ABR: variants seen among roughly 807,000 people sequenced by gnomAD.
The protein encoded by ABR is ABR activator of RhoGEF and GTPase.
ABR carries 35 observed loss-of-function variants against 107.2 expected under a neutral mutation model. That is an observed-to-expected ratio of 0.33 (90% CI 0.25 to 0.43). The LOEUF is 0.43. Among genes scored for constraint, ABR ranks in the 20% least tolerant of loss-of-function variants. The probability of loss-of-function intolerance (pLI) is 1.00; values close to 1 mark genes in which losing one functional copy is unlikely to be tolerated. For missense variants in ABR, 815 were observed against 1,115.2 expected (o/e 0.73, Z 3.83); for synonymous variants, 498 against 462.0 (o/e 1.08, Z -1.00).
At chr17:1,171,067 C>CT (rs2041692246) in intron 1 of ABR, among the ~76,000 whole-genome samples, 1 of 152,178 alleles carries the variant, frequency 6.6e-6, no homozygotes, top group African/African-American at 2.4e-5. Flanking sequence ...TCTCCTAAAA[C>CT]TTTGCCTCCA....
intron 10 of ABR, among the ~76,000 whole-genome samples, chr17:1,065,877 C>A (rs2034682641): frequency 6.6e-6 from 1 of 151,658 alleles, no homozygotes; most frequent in Non-Finnish European, 1.5e-5. Flanking sequence ...TCCTGAGTAG[C>A]TGGGATTACA....
rs1395659851 is a variant in ABR at position 1,135,369 on chromosome 17, CTTTTTGTCTTTTT to C, written c.62-10015_62-10003del. 3.7e-5 allele frequency among the ~76,000 whole-genome samples: 4 copies of C among 109,550 alleles called. No individual in the cohort carries two copies. The East Asian group carries it at 1.4e-3, about 38-fold the overall frequency. 71.9% of individuals were successfully genotyped at this position (109,550 alleles called of 152,430 possible). ...GCTAACTTTATTTTTTATTCTTTTT[CTTTTTGTCTTTTT>C]TTTTTTTTTTTGAGACAGAGTTTCA... is the stretch of plus-strand genomic sequence containing the variant. On this transcript the variant is annotated intron_variant, in intron 1 of 22. Transcript: ENST00000302538.
At chr17:1,136,171 A>G (rs532841348) in intron 1 of ABR, among the ~76,000 whole-genome samples, 22 of 152,268 alleles carry the variant, frequency 1.4e-4, no homozygotes, top group African/African-American at 5.1e-4. Flanking sequence ...TCTTCTTCCA[A>G]TAGAAGGCTG....
chr17:1,009,290 C>T (rs1030470102), intron 21 of ABR, among the ~76,000 whole-genome samples: 1 of 138,398 alleles, frequency 7.2e-6, no homozygotes, highest in African/African-American at 2.9e-5. Context: ...GTCCACCCCC[C>T]ACTGCATCTA....
upstream of ABR, among the ~76,000 whole-genome samples, chr17:1,189,663 G>A (rs762700107): frequency 7.0e-6 from 1 of 143,108 alleles, no homozygotes; most frequent in Non-Finnish European, 1.5e-5. Context: ...CACTCTGCCT[G>A]GGTAACTCCT....
intron 1 of ABR, among the ~76,000 whole-genome samples, chr17:1,162,201 A>C (rs2041327220): frequency 6.6e-6 from 1 of 152,078 alleles, no homozygotes; most frequent in Admixed American, 6.6e-5. Flanking sequence ...ATTATCCCTT[A>C]CTCTGGCAGA....
chr17:1,169,098 G>T (rs377197146), intron 1 of ABR, among the ~76,000 whole-genome samples: 5 of 152,330 alleles, frequency 3.3e-5, no homozygotes, highest in East Asian at 3.9e-4. Flanking sequence ...AGCTGGCCCT[G>T]CAGGGGAAAG....
chr17:1,037,681 G>A lies in ABR; in HGVS notation c.1791+12369C>T, dbSNP rs1036105910. 1.3e-5 allele frequency among the ~76,000 whole-genome samples: 2 copies of A among 152,170 alleles called. No homozygotes were observed. Among genetic ancestry groups the A allele is most frequent in the Non-Finnish European group, 2.9e-5 (2 of 68,024 alleles). ...TGCTCCTCCTCCCGGGAAGGAGGGG[G>A]TGTGGCCGGGTCTCCCAGCACAGCC... On this transcript the variant is annotated intron_variant, in intron 16 of 22. Transcript: ENST00000302538. This position sits in a 1 kb window ranked among gnomAD's most constrained non-coding sequence, Gnocchi z 4.6.
At position 1,058,004 on chromosome 17, in the gene ABR, C is replaced by T; in HGVS notation, c.1347G>A (p.Glu449=). Residue 449 remains glutamate, a synonymous_variant, in exon 12 of 23, where the codon GAG becomes GAA. Transcript: ENST00000302538. ...GTAGTTTCTGAATTGCTTCTCTCCA[C>T]TCTGACCTCTCGTAGTCCGAGGACA... ...FLLSSDYERS[E]WREAIQKLQK... is the part of the protein sequence containing the mutation. 2 of 1,614,022 alleles carry T rather than the reference C, an allele frequency of 1.2e-6. No homozygotes were observed. Among genetic ancestry groups the T allele is most frequent in the Non-Finnish European group, 1.7e-6 (2 of 1,179,942 alleles).
intron 14 of ABR, chr17:1,055,657 A>G (rs569819810): frequency 6.4e-5 from 11 of 172,756 alleles, no homozygotes; most frequent in South Asian, 1.5e-4. Flanking sequence ...CCTCCCAAGT[A>G]GCTGGGACTA....
At chr17:1,024,448 C>T (rs1326537600) in intron 16 of ABR, among the ~76,000 whole-genome samples, 3 of 152,198 alleles carry the variant, frequency 2.0e-5, no homozygotes, top group Admixed American at 6.5e-5. Flanking sequence ...AAGCCACTCA[C>T]GTGACTTCAT....
In ABR at chr17:1,070,433, C is replaced by T. The variant is rs749801539; in HGVS notation, c.895-343G>A. Reference sequence around the variant, plus strand: ...TGCCTGGCACATTAAGTGTGTGCAACGCACGGGGCTCTCCGCGGCTAACCC... The same window carrying T: ...TGCCTGGCACATTAAGTGTGTGCAATGCACGGGGCTCTCCGCGGCTAACCC... On this transcript the variant is annotated intron_variant, in intron 8 of 22. Coordinates refer to ENST00000302538, the MANE Select transcript of ABR (RefSeq NM_021962.5). This position sits in a 1 kb window ranked among gnomAD's most constrained non-coding sequence, Gnocchi z 4.2. Among the ~76,000 whole-genome samples, 4 of 152,222 alleles carry T rather than the reference C, an allele frequency of 2.6e-5. No homozygotes were observed. The highest frequency in any genetic ancestry group is 4.4e-5 in the Non-Finnish European group (3 of 68,038).
chr17:1,103,497 G>C (rs1464462433), intron 2 of ABR, among the ~76,000 whole-genome samples: 1 of 152,210 alleles, frequency 6.6e-6, no homozygotes, highest in Non-Finnish European at 1.5e-5. Flanking sequence ...TGTAACTGTA[G>C]AGCTGGTTGG....
In ABR at chr17:1,050,252, C is replaced by T; in HGVS notation, c.1660-71G>A. On this transcript the variant is annotated intron_variant, in intron 15 of 22. Coordinates refer to ENST00000302538, the MANE Select transcript of ABR (RefSeq NM_021962.5). The surrounding 1 kb of genome is among the most constrained non-coding windows in gnomAD (Gnocchi z 4.6). ...GGCCTGGCTTTCCGGCAGGTGCGTG[C>T]CTCAGCTTTGCAAGGAGGAGGGAGT... is the stretch of plus-strand genomic sequence containing the variant. 6.4e-7 allele frequency: 1 copy of T among 1,551,094 alleles called. No individual in the cohort carries two copies. The highest frequency in any genetic ancestry group is 8.7e-7 in the Non-Finnish European group (1 of 1,152,770).
intron 16 of ABR, among the ~76,000 whole-genome samples, chr17:1,030,697 G>A (rs1004789467): frequency 1.3e-5 from 2 of 152,254 alleles, no homozygotes; most frequent in Non-Finnish European, 2.9e-5. Flanking sequence ...ATGCCGGCTG[G>A]CAGTAAGAGC....
In ABR at chr17:1,179,378, G is replaced by C. The variant is rs548634323; in HGVS notation, c.61+289C>G. Among the ~76,000 whole-genome samples, 3 of 152,182 alleles carry C rather than the reference G, an allele frequency of 2.0e-5. No homozygotes were observed. The East Asian group carries it at 5.8e-4, about 30-fold the overall frequency. ...AGGTGGGAGGGGGGACGCAGCTCTC[G>C]GCTCGGTCCGCCCACGGTCCCCGCC... On this transcript the variant is annotated intron_variant, in intron 1 of 22. Coordinates refer to ENST00000302538, the MANE Select transcript of ABR (RefSeq NM_021962.5). The surrounding 1 kb of genome is among the most constrained non-coding windows in gnomAD (Gnocchi z 4.9).
At chr17:1,029,284 G>A (rs7221229) in intron 16 of ABR, among the ~76,000 whole-genome samples, 13 of 151,940 alleles carry the variant, frequency 8.6e-5, no homozygotes, top group South Asian at 2.1e-4. Flanking sequence ...ACTCTCCTCC[G>A]GTGACAAGAA....
chr17:1,118,018 TC>T (rs1567787936), intron 2 of ABR, among the ~76,000 whole-genome samples: 2 of 33,442 alleles, frequency 6.0e-5, no homozygotes, highest in African/African-American at 2.3e-4. Context: ...GCCTGAGTTC[TC>T]CCCAGCGTTA....
chr17:1,040,206 C>G (rs1367843134), intron 16 of ABR, among the ~76,000 whole-genome samples: 1 of 152,140 alleles, frequency 6.6e-6, no homozygotes, highest in Admixed American at 6.5e-5. Context: ...AGGACGCACG[C>G]GCAGGACCCT....
Sources: allele counts gnomAD v4.1 joint callset (sites outside exome capture counted in the v4.1 genomes callset), GRCh38; gene constraint gnomAD v4.1.1; non-coding constraint Gnocchi (gnomAD v3.1); transcripts MANE v1.5; gene names NCBI Gene and HGNC (gene_info 2026-07-23, HGNC 2026-07-21).